GRM5: variants seen among roughly 807,000 people sequenced by gnomAD.
GRM5 encodes the protein glutamate metabotropic receptor 5.
GRM5 carries 19 observed loss-of-function variants against 83.1 expected under a neutral mutation model. That is an observed-to-expected ratio of 0.23 (90% CI 0.16 to 0.34). The LOEUF (loss-of-function observed/expected upper bound fraction) is 0.34. GRM5 is among the 10% of genes least tolerant of loss of function. The pLI is 1.00. For missense variants in GRM5, 1,160 were observed against 1,588.3 expected, an observed-to-expected ratio of 0.73 and a Z score of 4.58; for synonymous variants, 675 against 633.6, an observed-to-expected ratio of 1.07 and a Z score of -0.98.
intron 2 of GRM5, among the ~76,000 whole-genome samples, chr11:88,876,144 G>A (rs1450262171): frequency 2.6e-5 from 4 of 151,992 alleles, no homozygotes; most frequent in Admixed American, 1.3e-4. Context: ...GTATTGTTTC[G>A]TGTAACCACC....
chr11:88,890,626 T>C, intron 2 of GRM5, among the ~76,000 whole-genome samples: 1 of 152,004 alleles, frequency 6.6e-6, no homozygotes, highest in East Asian at 1.9e-4. Flanking sequence ...TCCAAATAGG[T>C]GGTCTAAATC....
At chr11:88,837,139 C>T (rs549369988) in intron 3 of GRM5, among the ~76,000 whole-genome samples, 11 of 152,214 alleles carry the variant, frequency 7.2e-5, no homozygotes, top group African/African-American at 1.9e-4. Flanking sequence ...TCAGAATCAC[C>T]TTTAACTCTA....
chr11:89,009,619 G>A (rs1386635091), intron 2 of GRM5, among the ~76,000 whole-genome samples: 3 of 151,822 alleles, frequency 2.0e-5, no homozygotes, highest in East Asian at 1.9e-4. Context: ...AAATCAGGCC[G>A]GGCGCGGTGG....
At chr11:88,820,225 C>CAA (rs58683518) in intron 3 of GRM5, among the ~76,000 whole-genome samples, 6,597 of 135,852 alleles carry the variant, frequency 0.049, 493 homozygotes, top group African/African-American at 0.16. Flanking sequence ...CTAAAAAATA[C>CAA]AAAAAAAAAA....
intron 2 of GRM5, among the ~76,000 whole-genome samples, chr11:88,855,076 G>A (rs1038399219): frequency 3.3e-5 from 5 of 151,648 alleles, no homozygotes; most frequent in East Asian, 1.9e-4. Flanking sequence ...TATCAATCTC[G>A]TGTGGTAGGG....
chr11:88,780,607 G>C (rs1360862956), intron 3 of GRM5, among the ~76,000 whole-genome samples: 1 of 152,148 alleles, frequency 6.6e-6, no homozygotes, highest in Non-Finnish European at 1.5e-5. Flanking sequence ...TAATATATTT[G>C]AGGGTACAAA....
chr11:88,993,790 T>C lies in GRM5; in HGVS notation c.661+53422A>G, dbSNP rs529966965. Among the ~76,000 whole-genome samples the C allele has an allele frequency of 1.3e-5, 2 of 152,186 alleles. 1 individual carries two copies. On this transcript the variant is annotated intron_variant, in intron 2 of 9. Coordinates refer to ENST00000305447, the MANE Select transcript of GRM5 (RefSeq NM_001143831.3). ...AGGCTGGAGTGCAGTGATGTAATCA[T>C]GGCTCGCTGTAGCCCTGAGATGCAG...
At chr11:88,612,453 C>T (rs2135243145) in intron 4 of GRM5, among the ~76,000 whole-genome samples, 1 of 152,068 alleles carries the variant, frequency 6.6e-6, no homozygotes, top group East Asian at 1.9e-4. Context: ...TTTATAGCAG[C>T]ATGATTTATA....
rs572437948 is a variant in GRM5, at chr11:88,540,948, C to T, written c.2631-15544G>A. On this transcript the variant is annotated intron_variant, in intron 8 of 9. Coordinates refer to ENST00000305447, the MANE Select transcript of GRM5 (RefSeq NM_001143831.3). ...TGTATTTTTAGTAGAGATGGGGTTT[C>T]ACCATGTTAGCCAGGATGGTCTCAA... is the stretch of plus-strand genomic sequence containing the variant. Among the ~76,000 whole-genome samples, 4 of 151,936 alleles carry T rather than the reference C, an allele frequency of 2.6e-5. No homozygotes were observed. In the East Asian group the frequency reaches 7.8e-4, roughly 29 times the overall value.
In GRM5 at chr11:88,509,060, G is replaced by A; in HGVS notation, c.3171C>T (p.Leu1057=). The change falls in exon 10 of 10, where the codon CTC becomes CTT. Residue 1057 remains leucine (L), a synonymous_variant. Transcript: ENST00000305447. ...TGACCACACTGCTGATCTGCTCCAT[G>A]AGGGAGCCCTGCGAGGAGCTGCTGC... is the stretch of plus-strand genomic sequence containing the variant. ...VARSSSSQGS[L]MEQISSVVTR... 1.3e-6 allele frequency: 2 copies of A among 1,555,934 alleles called. No individual in the cohort carries two copies. Among genetic ancestry groups the A allele is most frequent in the Non-Finnish European group, 1.7e-6 (2 of 1,149,644 alleles).
intron 2 of GRM5, among the ~76,000 whole-genome samples, chr11:89,027,892 C>T (rs1017150934): frequency 6.6e-6 from 1 of 152,258 alleles, no homozygotes; most frequent in Non-Finnish European, 1.5e-5. Flanking sequence ...ACAGGTGGGA[C>T]TTTGGGAGGT....
At chr11:89,002,662 T>C (rs1238574791) in intron 2 of GRM5, among the ~76,000 whole-genome samples, 1 of 152,174 alleles carries the variant, frequency 6.6e-6, no homozygotes, top group Non-Finnish European at 1.5e-5. Context: ...TAATAATCTA[T>C]TGCAGGACAT....
At chr11:88,796,099 A>T (rs1212234626) in intron 3 of GRM5, among the ~76,000 whole-genome samples, 1 of 152,180 alleles carries the variant, frequency 6.6e-6, no homozygotes, top group Non-Finnish European at 1.5e-5. Flanking sequence ...ACTATTACTG[A>T]TCTTCAGGAC....
intron 3 of GRM5, among the ~76,000 whole-genome samples, chr11:88,694,825 T>C (rs2135364579): frequency 6.6e-6 from 1 of 152,308 alleles, no homozygotes; most frequent in Admixed American, 6.5e-5. Context: ...CATGGTACTC[T>C]CGGGACAGAT....
intron 8 of GRM5, among the ~76,000 whole-genome samples, chr11:88,558,594 G>T (rs1942680111): frequency 6.6e-6 from 1 of 151,938 alleles, no homozygotes; most frequent in East Asian, 1.9e-4. Context: ...ATGAGGTCAA[G>T]AGATCGAGAC....
intron 3 of GRM5, among the ~76,000 whole-genome samples, chr11:88,655,122 T>C (rs183630837): frequency 4.1e-4 from 63 of 152,242 alleles, no homozygotes; most frequent in African/African-American, 1.5e-3. Context: ...TCAAAAACTT[T>C]TGTGGCAGAT....
chr11:88,802,476 A>T lies in GRM5; in HGVS notation c.911+47430T>A, dbSNP rs575941227. Among the ~76,000 whole-genome samples, 17 of 108,408 alleles carry T rather than the reference A, an allele frequency of 1.6e-4. No homozygotes were observed. The South Asian group carries it at 5.6e-3, about 36-fold the overall frequency. The allele number at this position is 108,408 out of a possible 152,430, so 71.1% of individuals were successfully genotyped here. On this transcript the variant is annotated intron_variant, in intron 3 of 9. Coordinates refer to ENST00000305447, the MANE Select transcript of GRM5 (RefSeq NM_001143831.3). ...TAGATGCAGAAAAGGCGTTTGACAA[A>T]ATTCAACAACCTTCATGCTAAAAAC...
chr11:88,714,191 G>C (rs1941348627), intron 3 of GRM5, among the ~76,000 whole-genome samples: 1 of 151,976 alleles, frequency 6.6e-6, no homozygotes, highest in Non-Finnish European at 1.5e-5. Context: ...TTAGAAGGTG[G>C]GGAAGTCACA....
chr11:88,569,567 AC>A (rs1421442013), intron 7 of GRM5, among the ~76,000 whole-genome samples: 3 of 152,216 alleles, frequency 2.0e-5, no homozygotes, highest in East Asian at 1.9e-4. Flanking sequence ...GTAGAAAGTA[AC>A]CTTTTTCCCT....
Sources: gnomAD v4.1 joint callset for allele counts (sites outside exome capture counted in the v4.1 genomes callset) on GRCh38, gnomAD v4.1.1 for gene constraint, MANE v1.5 for transcripts, NCBI Gene and HGNC (gene_info 2026-07-23, HGNC 2026-07-21) for gene names.